Variants in DSG1 observed in about 807,000 individuals in gnomAD.
The protein encoded by DSG1 is desmoglein-1.
DSG1 carries 39 observed loss-of-function variants against 97.5 expected under a neutral mutation model. The ratio of observed to expected loss-of-function variants is 0.40; its 90% CI spans 0.31 to 0.52. DSG1 has a LOEUF of 0.52. Among genes scored for constraint, DSG1 ranks in the 20% least tolerant of loss-of-function variants. DSG1 has a pLI of 0.53. For synonymous variants in DSG1, 475 were observed against 443.4 expected (o/e 1.07, Z -0.90); for missense variants, 1,311 against 1,295.4 (o/e 1.01, Z -0.18).
chr18:31,345,971 A>G lies in DSG1; in HGVS notation c.1892-19A>G, dbSNP rs754139222. 39 of 1,602,736 alleles carry G rather than the reference A, an allele frequency of 2.4e-5. No individual in the cohort carries two copies. The highest frequency in any genetic ancestry group is 3.2e-5 in the Non-Finnish European group (37 of 1,171,062). On this transcript the variant is annotated intron_variant, in intron 13 of 14. Coordinates refer to ENST00000257192, the MANE Select transcript of DSG1 (RefSeq NM_001942.4). ...TGATAGACTAAAGAAAATAAATTTAATTTGATCAACACTTTTAGGAGTTTA... is the reference window on the plus strand; with the variant it reads ...TGATAGACTAAAGAAAATAAATTTAGTTTGATCAACACTTTTAGGAGTTTA...
At chr18:31,343,846 A>G (rs1051349923) in intron 12 of DSG1, 80 bp from the exon 13 acceptor site, 1 of 1,275,372 alleles carries the variant, frequency 7.8e-7, no homozygotes, top group African/African-American at 1.5e-5. Flanking sequence ...AGGTAATTTA[A>G]GAATAAACCA....
intron 1 of DSG1, among the ~76,000 whole-genome samples, chr18:31,323,981 T>TCC (rs2071669515): frequency 1.4e-5 from 2 of 144,054 alleles, no homozygotes; most frequent in Non-Finnish European, 3.0e-5. Flanking sequence ...CCTTCCTTTT[T>TCC]TTTTTTTTTT....
intron 14 of DSG1, chr18:31,347,619 C>A (rs1244857880): frequency 6.6e-6 from 1 of 152,202 alleles, no homozygotes; most frequent in Non-Finnish European, 1.5e-5. Context: ...AGTTTACAAT[C>A]CACTATTACG....
At chr18:31,320,627 C>T (rs1229682704) in intron 1 of DSG1, among the ~76,000 whole-genome samples, 2 of 152,206 alleles carry the variant, frequency 1.3e-5, no homozygotes, top group East Asian at 1.9e-4. Flanking sequence ...AGAGATTACA[C>T]CTGCTATAAC....
At position 31,333,899 on chromosome 18, in the gene DSG1, G is replaced by C. The variant is rs114938800; in HGVS notation, c.820-118G>C. 9 of 1,130,856 alleles carry C rather than the reference G, an allele frequency of 8.0e-6. No individual in the cohort carries two copies. The African/African-American group carries it at 1.2e-4, about 16-fold the overall frequency. 70.1% of individuals were successfully genotyped at this position (1,130,856 alleles called of 1,614,324 possible). A position where few individuals can be genotyped will look rare whatever the true frequency, so the allele number is the denominator to read the frequency against. ...AATGGAGTTAAGCAATGAAAAATGA[G>C]ATGAAAACCACAGATATCTTTTCTA... On this transcript the variant is annotated intron_variant, in intron 7 of 14. Coordinates refer to ENST00000257192, the MANE Select transcript of DSG1 (RefSeq NM_001942.4).
intron 14 of DSG1, among the ~76,000 whole-genome samples, chr18:31,351,517 G>A (rs1378151658): frequency 4.0e-5 from 6 of 151,306 alleles, no homozygotes; most frequent in Non-Finnish European, 7.4e-5. Context: ...CAATTCCTGG[G>A]TATCCTTGTT....
rs1292096939 is a variant in DSG1, at chr18:31,331,819, C to T, written c.636C>T (p.Asn212=). The change falls in exon 6 of 15, where the codon AAC becomes AAT. Residue 212 remains asparagine, a synonymous_variant. Transcript: ENST00000257192. The stretch of plus-strand genomic sequence containing the variant: ...CAGATTCACCAATGTTTATTATCAA[C>T]AGAAATACTGGAGAAATTCGAACGA... ...EPSDSPMFII[N]RNTGEIRTMN... The T allele has an allele frequency of 2.5e-6, 4 of 1,612,474 alleles. No individual in the cohort carries two copies. The highest frequency in any genetic ancestry group is 3.4e-6 in the Non-Finnish European group (4 of 1,178,992).
At chr18:31,352,227 G>A (rs2144122249) in intron 14 of DSG1, among the ~76,000 whole-genome samples, 1 of 151,444 alleles carries the variant, frequency 6.6e-6, no homozygotes, top group South Asian at 2.1e-4. Context: ...CTTCACTTAT[G>A]AAGCTTAGTT....
intron 13 of DSG1, 115 bp downstream of exon 13, chr18:31,344,110 C>CT (rs1392136351): frequency 1.3e-6 from 1 of 784,696 alleles, no homozygotes; most frequent in East Asian, 2.7e-5. Flanking sequence ...TTATATCATT[C>CT]TTTTTTAAAT....
chr18:31,329,788 A>G lies in DSG1; in HGVS notation c.373-104A>G, dbSNP rs2071709284. On this transcript the variant is annotated intron_variant, in intron 4 of 14. Coordinates refer to ENST00000257192, the MANE Select transcript of DSG1 (RefSeq NM_001942.4). ...GGGCTTGTGCCTATGTTCTAAGTAG[A>G]CATAATAATTCTTTTAATTCGCCAC... 8 of 1,396,624 alleles carry G rather than the reference A, an allele frequency of 5.7e-6. No homozygotes were observed. The Admixed American group carries it at 1.4e-4, about 24-fold the overall frequency. 86.5% of individuals were successfully genotyped at this position (1,396,624 alleles called of 1,614,324 possible).
rs146538145 is a variant in DSG1, at chr18:31,333,633, T to C, written c.729T>C (p.Asp243=). 6.2e-7 allele frequency: 1 copy of C among 1,613,818 alleles called. No homozygotes were observed. Among genetic ancestry groups the C allele is most frequent in the Non-Finnish European group, 8.5e-7 (1 of 1,179,828 alleles). ...TTGCTGTAAGAGGCTCTGACCGAGA[T>C]GGCGGGGCAGATGGCATGTCAGCGG... ...YALAVRGSDR[D]GGADGMSAEC... Residue 243 remains aspartate, a synonymous_variant, in exon 7 of 15, where the codon GAT becomes GAC. Transcript: ENST00000257192.
At chr18:31,333,555 C>G (rs200309421) in intron 6 of DSG1, 34 bp from the exon 7 acceptor site, 12 of 1,613,360 alleles carry the variant, frequency 7.4e-6, no homozygotes, top group Non-Finnish European at 1.0e-5. Flanking sequence ...CTGTCTACGT[C>G]AAGTGTGATA....
chr18:31,329,310 A>G (rs7235975), intron 4 of DSG1, among the ~76,000 whole-genome samples: 62,622 of 151,704 alleles, frequency 0.41, 14,160 homozygotes, highest in Non-Finnish European at 0.5. Flanking sequence ...TACCTCTTCT[A>G]TTAAAACCCC....
chr18:31,335,604 A>G (rs2071747082), intron 8 of DSG1, among the ~76,000 whole-genome samples: 1 of 151,664 alleles, frequency 6.6e-6, no homozygotes, highest in Non-Finnish European at 1.5e-5. Context: ...ATATTAGAAC[A>G]AAGATTCAAA....
At position 31,318,497 on chromosome 18, in the gene DSG1, C is replaced by T. The variant is rs1036634537; in HGVS notation, c.48+149C>T. On this transcript the variant is annotated intron_variant, in intron 1 of 14. Coordinates refer to ENST00000257192, the MANE Select transcript of DSG1 (RefSeq NM_001942.4). ...AGATGATTTTATGAACTAGATTTTT[C>T]AATAGCATTTCTCTCTTTAATTGAA... The T allele has an allele frequency of 2.8e-4, 208 of 734,860 alleles. 1 individual carries two copies. The highest frequency in any genetic ancestry group is 4.4e-5 in the Non-Finnish European group (18 of 410,778). 45.5% of individuals were successfully genotyped at this position (734,860 alleles called of 1,614,324 possible).
chr18:31,348,508 G>C (rs1010507481), intron 14 of DSG1, among the ~76,000 whole-genome samples: 1 of 150,486 alleles, frequency 6.6e-6, no homozygotes, highest in Admixed American at 6.6e-5. Flanking sequence ...TGGGTCAAAT[G>C]GTATTTCTAG....
At chr18:31,318,928 T>G (rs1211185466) in intron 1 of DSG1, among the ~76,000 whole-genome samples, 1 of 152,126 alleles carries the variant, frequency 6.6e-6, no homozygotes, top group Non-Finnish European at 1.5e-5. Context: ...TTTAAAACAT[T>G]TTTAATTTCA....
chr18:31,341,977 A>G (rs1287617896), intron 11 of DSG1, among the ~76,000 whole-genome samples: 1 of 151,150 alleles, frequency 6.6e-6, no homozygotes, highest in East Asian at 1.9e-4. Flanking sequence ...ACTCTCACCC[A>G]GGCTGGAGTA....
intron 9 of DSG1, among the ~76,000 whole-genome samples, chr18:31,337,128 A>G (rs1237993417): frequency 6.6e-6 from 1 of 152,236 alleles, no homozygotes; most frequent in African/African-American, 2.4e-5. Context: ...AGATATTTCT[A>G]CCAAGTCACA....
Sources: gnomAD v4.1 joint callset for allele counts (sites outside exome capture counted in the v4.1 genomes callset) on GRCh38, gnomAD v4.1.1 for gene constraint, MANE v1.5 for transcripts, NCBI Gene and HGNC (gene_info 2026-07-23, HGNC 2026-07-21) for gene names.